Variants in CNOT10 observed in about 807,000 individuals in gnomAD.
The protein encoded by CNOT10 is CCR4-NOT transcription complex subunit 10, also known as CCR4-NOT transcription complex, subunit 10.
In CNOT10, 30 loss-of-function variants were observed where a neutral mutation model predicts 94.6. The ratio of observed to expected loss-of-function variants is 0.32; its 90% CI spans 0.24 to 0.43. The LOEUF (loss-of-function observed/expected upper bound fraction) is 0.43. Among genes scored for constraint, CNOT10 ranks in the 20% least tolerant of loss-of-function variants. The pLI, the probability that CNOT10 is intolerant of heterozygous loss-of-function variation, is 1.00. For missense variants in CNOT10, 759 were observed against 877.2 expected (o/e 0.87, Z 1.70); for synonymous variants, 289 against 301.6 (o/e 0.96, Z 0.43).
At chr3:32,687,439 G>GTTTTTT (rs201119069) in intron 1 of CNOT10, among the ~76,000 whole-genome samples, 3 of 51,320 alleles carry the variant, frequency 5.8e-5, no homozygotes, top group Admixed American at 3.5e-4. Context: ...AGTCCTCACG[G>GTTTTTT]TTTTTTTTTT....
At chr3:32,753,898 C>T (rs1559511870) in intron 13 of CNOT10, 4 of 1,295,432 alleles carry the variant, frequency 3.1e-6, no homozygotes, top group Non-Finnish European at 4.4e-6. Flanking sequence ...GGAAAAAGTA[C>T]TAAATAAATT....
At chr3:32,764,575 GC>G (rs1343191014) in intron 16 of CNOT10, 85 bp downstream of exon 16, 1 of 1,603,862 alleles carries the variant, frequency 6.2e-7, no homozygotes. Context: ...TCGTTTTTCT[GC>G]CTGAGGAATA....
Position 32,728,897 on chromosome 3 carries a change from G to A in CNOT10, c.1215+1027G>A, listed in dbSNP as rs373429553. The stretch of plus-strand genomic sequence containing the variant: ...GGGTGGATCACGAGGTCAGGAGATC[G>A]AGACCATCCTGGCTAACACAGTGAA... On this transcript the variant is annotated intron_variant, in intron 10 of 18. Coordinates refer to ENST00000328834, the MANE Select transcript of CNOT10 (RefSeq NM_015442.3). 2.5e-4 allele frequency among the ~76,000 whole-genome samples: 38 copies of A among 152,162 alleles called. 1 individual carries two copies. The highest frequency in any genetic ancestry group is 2.2e-3 in the Admixed American group (34 of 15,282).
intron 1 of CNOT10, among the ~76,000 whole-genome samples, chr3:32,687,458 T>TTTTTTTTTTTTTTG (rs1559471769): frequency 9.3e-6 from 1 of 108,050 alleles, no homozygotes; most frequent in East Asian, 2.8e-4. Context: ...TTTTGTTTTT[T>TTTTTTTTTTTTTTG]TTTTTTTTTT....
rs200244468 is a variant in CNOT10, at chr3:32,688,596, C to CA, written c.22+3125dup. ...TGGGTGACAGAGTGAGATTCCATCT[C>CA]AAAAAAAAAAATAATACTCAGAAGA... is the stretch of plus-strand genomic sequence containing the variant. On this transcript the variant is annotated intron_variant, in intron 1 of 18. Transcript: ENST00000328834. Among the ~76,000 whole-genome samples, 395 of 141,916 alleles carry CA rather than the reference C, an allele frequency of 2.8e-3. 1 individual carries two copies. The highest frequency in any genetic ancestry group is 6.0e-3 in the South Asian group (27 of 4,498). The allele number at this position is 141,916 out of a possible 152,430, so 93.1% of individuals were successfully genotyped here.
chr3:32,759,469 T>A lies in CNOT10; in HGVS notation c.1607T>A (p.Leu536His). The change falls in exon 14 of 19, where the codon CTT becomes CAT. Residue 536 changes from leucine to histidine, a missense_variant. Coordinates refer to ENST00000328834, the MANE Select transcript of CNOT10 (RefSeq NM_015442.3). ...CTTTTGTGTTATAGGTGCTCCATAC[T>A]TGCTTGCAGTGCCTACGTGGCTCTG... The part of the protein sequence containing the change: ...QELENLKCSI[L>H]ACSAYVALAL... The A allele has an allele frequency of 6.2e-7, 1 of 1,613,424 alleles. No individual in the cohort carries two copies. Among genetic ancestry groups the A allele is most frequent in the Non-Finnish European group, 8.5e-7 (1 of 1,179,504 alleles).
chr3:32,759,306 A>G lies in CNOT10; in HGVS notation c.1596-152A>G, dbSNP rs1251227314. ...GTGTTTCAGAATTGTTTTATACATC[A>G]ATCTAATTCTTACCATTAGTACCGT... On this transcript the variant is annotated intron_variant, in intron 13 of 18. Coordinates refer to ENST00000328834, the MANE Select transcript of CNOT10 (RefSeq NM_015442.3). 3 of 598,780 alleles carry G rather than the reference A, an allele frequency of 5.0e-6. No individual in the cohort carries two copies. The African/African-American group carries it at 5.5e-5, about 11-fold the overall frequency. 37.1% of individuals were successfully genotyped at this position (598,780 alleles called of 1,614,324 possible).
rs371586835 is a variant in CNOT10, at chr3:32,764,775, G to C, written c.1970G>C (p.Ser657Thr). 6.2e-7 allele frequency: 1 copy of C among 1,614,206 alleles called. No individual in the cohort carries two copies. The highest frequency in any genetic ancestry group is 8.5e-7 in the Non-Finnish European group (1 of 1,180,040). The stretch of plus-strand genomic sequence containing the variant: ...CTTGGCAGCGCTTACTGCCTGAGGA[G>C]CGAATATGACAAAGCCCGAAAGTGT... ...FNLGSAYCLR[S>T]EYDKARKCLH... is the part of the protein sequence containing the mutation. Residue 657 changes from serine to threonine, a missense_variant, in exon 17 of 19, where the codon AGC (serine) becomes ACC (threonine). Physicochemically the swap from Ser to Thr is moderately conservative, Grantham distance 58. This residue lies in a region of CNOT10 where 682 missense variants were observed against 799.4 expected (regional missense o/e 0.85). Coordinates refer to ENST00000328834, the MANE Select transcript of CNOT10 (RefSeq NM_015442.3).
chr3:32,767,091 T>C (rs968663813), intron 17 of CNOT10, among the ~76,000 whole-genome samples: 5 of 152,202 alleles, frequency 3.3e-5, no homozygotes, highest in African/African-American at 4.8e-5. Context: ...TCAGAGGATA[T>C]GCAGGATTTT....
chr3:32,750,933 C>T (rs1406890430), intron 13 of CNOT10, among the ~76,000 whole-genome samples: 2 of 152,122 alleles, frequency 1.3e-5, no homozygotes, highest in Non-Finnish European at 1.5e-5. Flanking sequence ...TATTATAGAA[C>T]ATCTTTGTTA....
chr3:32,708,795 A>G lies in CNOT10; in HGVS notation c.405A>G (p.Lys135=), dbSNP rs1697740414. The part of the protein sequence containing the change: ...QYTEAISVGE[K]LYQFIEPFEE... ...CAGAAGCCATATCAGTTGGTGAAAA[A>G]CTTTATCAGTTCATAGAGCCTTTTG... The change falls in exon 4 of 19, where the codon AAA becomes AAG. Residue 135 remains lysine (K), a synonymous_variant. Transcript: ENST00000328834. 1.2e-6 allele frequency: 2 copies of G among 1,612,396 alleles called. No homozygotes were observed. Among genetic ancestry groups the G allele is most frequent in the Admixed American group, 1.7e-5 (1 of 59,368 alleles).
chr3:32,722,752 G>A (rs1698479057), intron 8 of CNOT10, among the ~76,000 whole-genome samples: 2 of 151,988 alleles, frequency 1.3e-5, no homozygotes, highest in Admixed American at 6.6e-5. Context: ...GGGAGACTGA[G>A]GCCGACGGAT....
At chr3:32,729,760 C>CTTTT (rs10590243) in intron 10 of CNOT10, among the ~76,000 whole-genome samples, 8 of 71,720 alleles carry the variant, frequency 1.1e-4, no homozygotes, top group African/African-American at 2.2e-4. Context: ...ATTTATACTT[C>CTTTT]TTTTTTTTTT....
In CNOT10 at chr3:32,708,743, T is replaced by G. The variant is rs746098596; in HGVS notation, c.353T>G (p.Val118Gly). 6.2e-7 allele frequency: 1 copy of G among 1,613,424 alleles called. No individual in the cohort carries two copies. The highest frequency in any genetic ancestry group is 8.5e-7 in the Non-Finnish European group (1 of 1,179,628). The change falls in exon 4 of 19, where the codon GTC becomes GGC. Residue 118 changes from valine to glycine, a missense_variant. Val to Gly is a moderately radical substitution (Grantham distance 109). Around this residue, in one of 3 missense-constraint regions of CNOT10, gnomAD observed 682 missense variants for 799.4 expected, o/e 0.85. Transcript: ENST00000328834. Reference sequence around the variant, plus strand: ...AGCATGTTGTACTATAATCAAGCAGTCATTCTTTATCATCTGCGGCAGTAT... The same window carrying G: ...AGCATGTTGTACTATAATCAAGCAGGCATTCTTTATCATCTGCGGCAGTAT... The part of the protein sequence containing the change: ...ENSMLYYNQA[V>G]ILYHLRQYTE...
intron 14 of CNOT10, among the ~76,000 whole-genome samples, chr3:32,759,949 G>A (rs1158520244): frequency 3.3e-5 from 5 of 151,748 alleles, no homozygotes; most frequent in Admixed American, 1.3e-4. Flanking sequence ...TTGGGAGGCC[G>A]AGGCAGGCAA....
intron 4 of CNOT10, among the ~76,000 whole-genome samples, chr3:32,712,367 A>C (rs1220444232): frequency 6.6e-6 from 1 of 152,186 alleles, no homozygotes; most frequent in Admixed American, 6.5e-5. Context: ...ATACCTAGTT[A>C]GTGGCTGAAT....
chr3:32,745,473 A>AC (rs371636545), intron 13 of CNOT10, among the ~76,000 whole-genome samples: 2 of 152,102 alleles, frequency 1.3e-5, no homozygotes, highest in African/African-American at 2.4e-5. Context: ...TTAAGGATTG[A>AC]ATAAACATTC....
At chr3:32,753,649 C>T in intron 13 of CNOT10, 1 of 1,572,294 alleles carries the variant, frequency 6.4e-7, no homozygotes, top group Non-Finnish European at 8.7e-7. Flanking sequence ...ATCATCATCT[C>T]CTTATACAAG....
chr3:32,745,212 C>G (rs1699639731), intron 13 of CNOT10, among the ~76,000 whole-genome samples: 1 of 152,114 alleles, frequency 6.6e-6, no homozygotes, highest in Non-Finnish European at 1.5e-5. Flanking sequence ...CTTTAGAGTA[C>G]TTATAATACC....
Sources: gnomAD v4.1 joint callset for allele counts (sites outside exome capture counted in the v4.1 genomes callset) on GRCh38, gnomAD v4.1.1 for gene constraint, gnomAD v4.1.1 regional missense constraint, MANE v1.5 for transcripts, NCBI Gene and HGNC (gene_info 2026-07-23, HGNC 2026-07-21) for gene names.